MRC2: variants seen among roughly 807,000 people sequenced by gnomAD.
The protein encoded by MRC2 is mannose receptor C-type 2, also known as C-type mannose receptor 2.
In MRC2, 84 loss-of-function variants were observed where a neutral mutation model predicts 206.2. The ratio of observed to expected loss-of-function variants is 0.41; its 90% CI spans 0.34 to 0.49. The LOEUF is 0.49. MRC2 is among the 20% of genes least tolerant of loss of function. MRC2 has a pLI of 0.31. For missense variants in MRC2, 1,676 were observed against 2,001.5 expected, an observed-to-expected ratio of 0.84 and a Z score of 3.10; for synonymous variants, 798 against 800.0, an observed-to-expected ratio of 1.00 and a Z score of 0.04.
intron 1 of MRC2, among the ~76,000 whole-genome samples, chr17:62,653,173 A>G (rs1046845063): frequency 1.8e-4 from 28 of 152,296 alleles, no homozygotes; most frequent in African/African-American, 6.5e-4. Context: ...GCCGCTCTCC[A>G]GTTCCTCCGG....
At chr17:62,650,256 C>T (rs958342279) in intron 1 of MRC2, among the ~76,000 whole-genome samples, 2 of 152,072 alleles carry the variant, frequency 1.3e-5, no homozygotes, top group Admixed American at 1.3e-4. Context: ...AACAAGGGTA[C>T]AAGCATGATA....
intron 18 of MRC2, 69 bp downstream of exon 18, chr17:62,681,198 C>T (rs1598993756): frequency 6.4e-7 from 1 of 1,553,378 alleles, no homozygotes; most frequent in East Asian, 2.4e-5. Context: ...CAGAGGCAGA[C>T]TTGCATTTGA....
chr17:62,675,864 G>A lies in MRC2; in HGVS notation c.1644G>A (p.Leu548=), dbSNP rs1459041211. The A allele has an allele frequency of 2.5e-6, 4 of 1,613,998 alleles. No individual in the cohort carries two copies. In the East Asian group the frequency reaches 8.9e-5, roughly 36 times the overall value. Residue 548 remains leucine, a synonymous_variant, in exon 10 of 30, where the codon CTG becomes CTA. Coordinates refer to ENST00000303375, the MANE Select transcript of MRC2 (RefSeq NM_006039.5). The surrounding 1 kb of genome is among the most constrained non-coding windows in gnomAD (Gnocchi z 4.1). ...DQVTYSEARR[L]CTDHGSQLVT... Reference sequence around the variant, plus strand: ...TGACCTACAGTGAGGCCCGGCGCCTGTGCACTGACCATGGCTCTCAGCTGG... The same window carrying A: ...TGACCTACAGTGAGGCCCGGCGCCTATGCACTGACCATGGCTCTCAGCTGG...
In MRC2 at chr17:62,680,497, G is replaced by A. The variant is rs1445767459; in HGVS notation, c.2473+44G>A. ...ATCCCGCTACCCATCGCGTGGGAGAGGGCGTCAACTCTGGGGTAAGTCCCG... is the reference window on the plus strand; with the variant it reads ...ATCCCGCTACCCATCGCGTGGGAGAAGGCGTCAACTCTGGGGTAAGTCCCG... On this transcript the variant is annotated intron_variant, in intron 16 of 29. Transcript: ENST00000303375. The surrounding 1 kb of genome is among the most constrained non-coding windows in gnomAD (Gnocchi z 4.8). 1.9e-6 allele frequency: 3 copies of A among 1,612,424 alleles called. No homozygotes were observed. The highest frequency in any genetic ancestry group is 2.5e-6 in the Non-Finnish European group (3 of 1,179,040).
chr17:62,659,202 TC>T (rs2088652673), intron 1 of MRC2, among the ~76,000 whole-genome samples: 1 of 152,062 alleles, frequency 6.6e-6, no homozygotes, highest in African/African-American at 2.4e-5. Context: ...CCTAAGCACC[TC>T]CCAAAGGTCT....
chr17:62,670,510 C>T (rs2088814669), intron 6 of MRC2, among the ~76,000 whole-genome samples: 1 of 152,214 alleles, frequency 6.6e-6, no homozygotes, highest in African/African-American at 2.4e-5. Flanking sequence ...GTTTCCTGCC[C>T]GACTAGGCAG....
Position 62,666,196 on chromosome 17 carries a change from A to T in MRC2, c.623A>T (p.Asp208Val), listed in dbSNP as rs2088751810. 1 of 1,604,564 alleles carries T rather than the reference A, an allele frequency of 6.2e-7. No homozygotes were observed. Among genetic ancestry groups the T allele is most frequent in the African/African-American group, 1.3e-5 (1 of 74,846 alleles). ...FHGCTSTGRE[D>V]GHLWCATTQD... Reference sequence around the variant, plus strand: ...GGCTGCACCAGCACGGGCCGCGAGGATGGTCACCTGTGGTGTGCCACCACC... The same window carrying T: ...GGCTGCACCAGCACGGGCCGCGAGGTTGGTCACCTGTGGTGTGCCACCACC... Residue 208 changes from aspartate to valine, a missense_variant, in exon 3 of 30, where the codon GAT (aspartate) becomes GTT (valine). By Grantham distance (152) the Asp-to-Val change is radical. This residue lies in a region of MRC2 where 318 missense variants were observed against 346.7 expected (regional missense o/e 0.92). Coordinates refer to ENST00000303375, the MANE Select transcript of MRC2 (RefSeq NM_006039.5). The surrounding 1 kb of genome is among the most constrained non-coding windows in gnomAD (Gnocchi z 5.0).
Position 62,671,769 on chromosome 17 carries a change from G to C in MRC2, c.1238G>C (p.Gly413Ala). The C allele has an allele frequency of 6.2e-7, 1 of 1,613,108 alleles. No homozygotes were observed. The highest frequency in any genetic ancestry group is 8.5e-7 in the Non-Finnish European group (1 of 1,179,432). The change falls in exon 7 of 30, where the codon GGC becomes GCC. Residue 413 changes from glycine (G) to alanine (A), a missense_variant. By Grantham distance (60) the Gly-to-Ala change is moderately conservative. Coordinates refer to ENST00000303375, the MANE Select transcript of MRC2 (RefSeq NM_006039.5). This position sits in a 1 kb window ranked among gnomAD's most constrained non-coding sequence, Gnocchi z 4.5. The part of the protein sequence containing the change: ...WQESKKACLR[G>A]GGDLVSIHSM... The stretch of plus-strand genomic sequence containing the variant: ...GAGTCCAAGAAGGCATGTCTACGGG[G>C]CGGTGGCGACCTGGTCAGCATCCAC...
In MRC2 at chr17:62,680,014, C is replaced by G; in HGVS notation, c.2298+112C>G. 1 of 1,467,868 alleles carries G rather than the reference C, an allele frequency of 6.8e-7. No homozygotes were observed. Among genetic ancestry groups the G allele is most frequent in the Non-Finnish European group, 9.2e-7 (1 of 1,085,904 alleles). The allele number at this position is 1,467,868 out of a possible 1,614,324, so 90.9% of individuals were successfully genotyped here. On this transcript the variant is annotated intron_variant, in intron 14 of 29. Transcript: ENST00000303375. This position sits in a 1 kb window ranked among gnomAD's most constrained non-coding sequence, Gnocchi z 4.8. ...TTTTCTTGAGGGCCGGGCCCCCAGT[C>G]GGAGCCGGCTTCAGGAAAGCAGGTC...
At chr17:62,641,174 A>AAACCCAGCC (rs1220192458) in intron 1 of MRC2, among the ~76,000 whole-genome samples, 2 of 151,336 alleles carry the variant, frequency 1.3e-5, no homozygotes, top group Non-Finnish European at 2.9e-5. Context: ...TTAAGAGAAA[A>AAACCCAGCC]ATCGGCTGGG....
chr17:62,682,516 C>A, intron 20 of MRC2, 139 bp downstream of exon 20: 1 of 1,002,796 alleles, frequency 1.0e-6, no homozygotes, highest in Non-Finnish European at 1.4e-6. Flanking sequence ...TCTCTTTCAC[C>A]TGGCTCCAGT....
chr17:62,669,085 AACACAC>A (rs72222842), intron 6 of MRC2, among the ~76,000 whole-genome samples: 2,569 of 143,032 alleles, frequency 0.018, 23 homozygotes, highest in Non-Finnish European at 0.02. Flanking sequence ...AAAATATGGC[AACACAC>A]ACACACACAC....
Position 62,667,533 on chromosome 17 carries a change from G to C in MRC2, c.1117G>C (p.Asp373His). The C allele has an allele frequency of 6.2e-7, 1 of 1,609,504 alleles. No individual in the cohort carries two copies. Residue 373 changes from aspartate (D) to histidine (H), a missense_variant and splice_region_variant, in exon 6 of 30, where the codon GAC (aspartate) becomes CAC (histidine). Coordinates refer to ENST00000303375, the MANE Select transcript of MRC2 (RefSeq NM_006039.5). The surrounding 1 kb of genome is among the most constrained non-coding windows in gnomAD (Gnocchi z 4.1). ...CGCCACGGCCGAGCCCACCCCTCCA[G>C]GTGAGCCAGGGACTGTGCCGCAGGG... The part of the protein sequence containing the change: ...PNATAEPTPP[D>H]RWANVKVECE...
At chr17:62,643,980 G>A (rs1598969633) in intron 1 of MRC2, among the ~76,000 whole-genome samples, 1 of 152,152 alleles carries the variant, frequency 6.6e-6, no homozygotes, top group African/African-American at 2.4e-5. Flanking sequence ...TTACATGTGT[G>A]TGTATATATA....
intron 1 of MRC2, among the ~76,000 whole-genome samples, chr17:62,636,461 A>ATTTTTTTTTTTTT (rs60774612): frequency 1.3e-5 from 1 of 76,934 alleles, no homozygotes; most frequent in Non-Finnish European, 2.4e-5. Flanking sequence ...TAATCTTCTG[A>ATTTTTTTTTTTTT]TTTTTTTTTT....
rs1320706614 is a variant in MRC2, at chr17:62,693,221, T to C, written c.*770T>C. On this transcript the variant is annotated 3_prime_UTR_variant, in exon 30 of 30. Coordinates refer to ENST00000303375, the MANE Select transcript of MRC2 (RefSeq NM_006039.5). ...GGGCTCTGCCCCTGGAAGAGTCCCC[T>C]GTGGGGACCAAAATAAGTTCCCTAA... 1.3e-5 allele frequency: 2 copies of C among 152,548 alleles called. No homozygotes were observed. Among genetic ancestry groups the C allele is most frequent in the African/African-American group, 2.4e-5 (1 of 41,458 alleles). 9.4% of individuals were successfully genotyped at this position (152,548 alleles called of 1,614,324 possible).
chr17:62,649,911 T>G (rs1041852525), intron 1 of MRC2, among the ~76,000 whole-genome samples: 1 of 151,880 alleles, frequency 6.6e-6, no homozygotes, highest in African/African-American at 2.4e-5. Context: ...TTTTTAAAAT[T>G]TTTTTGAGAC....
rs1047104254 is a variant in MRC2, at chr17:62,666,058, G to C, written c.521-36G>C. The C allele has an allele frequency of 2.6e-6, 4 of 1,550,798 alleles. No individual in the cohort carries two copies. The African/African-American group carries it at 5.5e-5, about 21-fold the overall frequency. ...GGGGCTTGGCAGCCTCTGGTGTCCA[G>C]ATGCCAAGGGCCTGGCCCCTGTCCA... is the stretch of plus-strand genomic sequence containing the variant. On this transcript the variant is annotated intron_variant, in intron 2 of 29. Transcript: ENST00000303375. The surrounding 1 kb of genome is among the most constrained non-coding windows in gnomAD (Gnocchi z 5.0).
chr17:62,679,955 G>A, intron 14 of MRC2, 53 bp downstream of exon 14: 3 of 1,533,998 alleles, frequency 2.0e-6, no homozygotes, highest in Middle Eastern at 1.9e-4. Context: ...TGGTGGGCGG[G>A]GCCTGTTTGG....
Sources: gnomAD v4.1 joint callset for allele counts (sites outside exome capture counted in the v4.1 genomes callset) on GRCh38, gnomAD v4.1.1 for gene constraint, gnomAD v4.1.1 regional missense constraint, Gnocchi (gnomAD v3.1) non-coding constraint, MANE v1.5 for transcripts, NCBI Gene and HGNC (gene_info 2026-07-23, HGNC 2026-07-21) for gene names.